RTP2: variants seen among roughly 807,000 people sequenced by gnomAD.
RTP2 encodes the protein receptor transporter protein 2, also known as receptor-transporting protein 2.
In RTP2, 12 loss-of-function variants were observed where a neutral mutation model predicts 17.9. The ratio of observed to expected loss-of-function variants is 0.67; its 90% confidence interval spans 0.43 to 1.09. The LOEUF (loss-of-function observed/expected upper bound fraction) is 1.09, where lower values mean the gene tolerates loss of function less well. RTP2 is among the 50% of genes least tolerant of loss of function. The pLI is 0.00. For missense variants in RTP2, 327 were observed against 295.7 expected, an observed-to-expected ratio of 1.11 and a Z score of -0.78; for synonymous variants, 126 against 117.7, an observed-to-expected ratio of 1.07 and a Z score of -0.46.
chr3:187,698,351 C>A, exon 2 of RTP2: 1 of 651,270 alleles, frequency 1.5e-6, no homozygotes, highest in South Asian at 2.1e-5. Context: ...CTAATGCAAT[C>A]CTCTCATTCC....
At chr3:187,699,535 GT>G (rs1717787111) in intron 1 of RTP2, among the ~76,000 whole-genome samples, 1 of 152,144 alleles carries the variant, frequency 6.6e-6, no homozygotes, top group Admixed American at 6.5e-5. Flanking sequence ...TAGGTCCTCA[GT>G]AAACCACTGA....
At chr3:187,707,111 A>G (rs983088097), upstream of RTP2, among the ~76,000 whole-genome samples, 2 of 152,234 alleles carry the variant, frequency 1.3e-5, no homozygotes, top group Non-Finnish European at 2.9e-5. Flanking sequence ...GGGCCAAAAC[A>G]TCTACACATG....
At chr3:187,704,170 A>G (rs1462130774), upstream of RTP2, among the ~76,000 whole-genome samples, 1 of 152,226 alleles carries the variant, frequency 6.6e-6, no homozygotes, top group Non-Finnish European at 1.5e-5. Flanking sequence ...TTTATAAAAT[A>G]AAATACTGAG....
At chr3:187,698,365 G>T in exon 2 of RTP2, 1 of 694,910 alleles carries the variant, frequency 1.4e-6, no homozygotes, top group Non-Finnish European at 2.4e-6. Flanking sequence ...TCATTCCGCA[G>T]ATGCATTAAC....
At chr3:187,710,554 T>C in the RTP2 span, among the ~76,000 whole-genome samples, 9 of 151,548 alleles carry the variant, frequency 5.9e-5, no homozygotes, top group African/African-American at 2.2e-4. Flanking sequence ...TATATATATA[T>C]GTGTGTGTAT....
the RTP2 span, chr3:187,715,597 C>T: frequency 2.2e-6 from 1 of 455,404 alleles, no homozygotes; most frequent in South Asian, 1.6e-5. Context: ...CTTAATGTCA[C>T]TTGGCTTCCT....
chr3:187,698,878 C>G (rs11927120), exon 2 of RTP2: 1 of 1,612,604 alleles, frequency 6.2e-7, no homozygotes, highest in Admixed American at 1.7e-5. Context: ...CGCGCCGTGC[C>G]GCACTCATAG....
At chr3:187,698,972 G>A in exon 2 of RTP2, 2 of 1,600,338 alleles carry the variant, frequency 1.2e-6, no homozygotes, top group South Asian at 1.1e-5. Context: ...TGACCACATG[G>A]GCAGACTGCC....
intron 1 of RTP2, among the ~76,000 whole-genome samples, chr3:187,701,343 T>C (rs937354152): frequency 1.3e-5 from 2 of 152,212 alleles, no homozygotes; most frequent in African/African-American, 4.8e-5. Context: ...TGCTCAAAGC[T>C]AAATCTTTTT....
the RTP2 span, among the ~76,000 whole-genome samples, chr3:187,708,095 T>A: frequency 6.6e-6 from 1 of 152,238 alleles, no homozygotes. Context: ...AAAACTTCTA[T>A]GGACTATTTT....
At chr3:187,714,987 A>C in the RTP2 span, among the ~76,000 whole-genome samples, 1 of 152,106 alleles carries the variant, frequency 6.6e-6, no homozygotes. Context: ...ACAAACAAAC[A>C]AAAAACAAAG....
upstream of RTP2, among the ~76,000 whole-genome samples, chr3:187,704,751 G>T (rs1245951570): frequency 6.6e-6 from 1 of 152,090 alleles, no homozygotes; most frequent in Non-Finnish European, 1.5e-5. Flanking sequence ...TATTAGGAAG[G>T]CCTCTCCATC....
chr3:187,712,742 T>C, the RTP2 span, among the ~76,000 whole-genome samples: 149,112 of 152,308 alleles, frequency 0.98, 73,073 homozygotes, highest in East Asian at 1. Flanking sequence ...AACTCTGCGG[T>C]CTCAACGAAT....
At chr3:187,707,460 C>T (rs142431522), upstream of RTP2, among the ~76,000 whole-genome samples, 1 of 152,024 alleles carries the variant, frequency 6.6e-6, no homozygotes, top group African/African-American at 2.4e-5. Flanking sequence ...GACCAATTGG[C>T]AGTTAAATAA....
At chr3:187,703,834 C>G (rs767115217), upstream of RTP2, among the ~76,000 whole-genome samples, 13 of 152,160 alleles carry the variant, frequency 8.5e-5, no homozygotes, top group Non-Finnish European at 1.6e-4. Flanking sequence ...TGAGAATTGT[C>G]AGGGTTTACC....
At chr3:187,698,416 G>A in exon 2 of RTP2, 1 of 1,271,162 alleles carries the variant, frequency 7.9e-7, no homozygotes, top group Non-Finnish European at 1.1e-6. Flanking sequence ...GTCATATGTT[G>A]AATCTGTAGC....
In RTP2 at chr3:187,698,562, C is replaced by G; in HGVS notation, c.614G>C (p.Trp205Ser). ...AACAACGAGCAGGCAGAGAGAGGCCCAGAAGAGGCACCAGCGAAGAGACAA... is the reference window on the plus strand; with the variant it reads ...AACAACGAGCAGGCAGAGAGAGGCCGAGAAGAGGCACCAGCGAAGAGACAA... The change falls in exon 2 of 2, where the codon TGG becomes TCG. Residue 205 changes from tryptophan (W) to serine (S), a missense_variant. Trp to Ser is a radical substitution (Grantham distance 177). Transcript: ENST00000358241. The G allele has an allele frequency of 6.2e-7, 1 of 1,614,180 alleles. No homozygotes were observed. Among genetic ancestry groups the G allele is most frequent in the Non-Finnish European group, 8.5e-7 (1 of 1,180,024 alleles).
chr3:187,698,723 A>G (rs769827806), exon 2 of RTP2: 2 of 1,614,088 alleles, frequency 1.2e-6, no homozygotes, highest in Non-Finnish European at 1.7e-6. Context: ...AGAACTCTGC[A>G]CGATGCGGCC....
At chr3:187,703,235 G>T (rs565869175), upstream of RTP2, among the ~76,000 whole-genome samples, 114 of 152,160 alleles carry the variant, frequency 7.5e-4, no homozygotes, top group Admixed American at 2.6e-3. Flanking sequence ...ATCATCTTAC[G>T]ATTCTTTAAC....
Sources: allele counts gnomAD v4.1 joint callset (sites outside exome capture counted in the v4.1 genomes callset), GRCh38; gene constraint gnomAD v4.1.1; transcripts MANE v1.5; gene names NCBI Gene and HGNC (gene_info 2026-07-23, HGNC 2026-07-21).